Variants in VTI1A observed in about 807,000 individuals in gnomAD.
The protein encoded by VTI1A is vesicle transport through interaction with t-SNAREs homolog 1A.
Under a neutral mutation model 34.9 loss-of-function variants are expected in VTI1A, and 22 were observed. The ratio of observed to expected loss-of-function variants is 0.63; its 90% CI spans 0.45 to 0.90. The LOEUF (loss-of-function observed/expected upper bound fraction) is 0.90. VTI1A is among the 40% of genes least tolerant of loss of function. The pLI is 0.00. For synonymous variants in VTI1A, 87 were observed against 97.3 expected, an observed-to-expected ratio of 0.89 and a Z score of 0.62; for missense variants, 268 against 275.6, an observed-to-expected ratio of 0.97 and a Z score of 0.20.
chr10:112,574,248 C>G (rs981045341), intron 5 of VTI1A, among the ~76,000 whole-genome samples: 1 of 152,188 alleles, frequency 6.6e-6, no homozygotes, highest in Non-Finnish European at 1.5e-5. Context: ...CTGACGTCTA[C>G]TAATTCTGTA....
At chr10:112,551,303 C>A (rs1851354953) in intron 5 of VTI1A, among the ~76,000 whole-genome samples, 2 of 147,034 alleles carry the variant, frequency 1.4e-5, no homozygotes, top group Admixed American at 1.4e-4. Flanking sequence ...TTTAAATTTC[C>A]ATTTTCAAAG....
intron 7 of VTI1A, among the ~76,000 whole-genome samples, chr10:112,768,657 G>A (rs1851714468): frequency 6.6e-6 from 1 of 152,208 alleles, no homozygotes; most frequent in African/African-American, 2.4e-5. Context: ...AAAACTAAGT[G>A]CAGTTCATGA....
chr10:112,467,532 A>G (rs918508430), intron 3 of VTI1A, among the ~76,000 whole-genome samples: 37 of 152,194 alleles, frequency 2.4e-4, no homozygotes, highest in African/African-American at 8.9e-4. Context: ...TTGGGCTGCA[A>G]AAAGCCATCC....
intron 5 of VTI1A, among the ~76,000 whole-genome samples, chr10:112,626,981 G>T (rs147712816): frequency 6.6e-6 from 1 of 152,088 alleles, no homozygotes; most frequent in Non-Finnish European, 1.5e-5. Context: ...TGAAATATTC[G>T]TCCACTAATA....
At position 112,789,045 on chromosome 10, in the gene VTI1A, A is replaced by G. The variant is rs1394425434; in HGVS notation, c.561-26245A>G. Among the ~76,000 whole-genome samples, 5 of 152,276 alleles carry G rather than the reference A, an allele frequency of 3.3e-5. No individual in the cohort carries two copies. In the South Asian group the frequency reaches 6.2e-4, roughly 19 times the overall value. ...ACAAAATTATAGTGAGTGCTGTGCA[A>G]TCTAATGGTTTTTAAAGAAATTAAG... On this transcript the variant is annotated intron_variant, in intron 7 of 7. Transcript: ENST00000393077.
chr10:112,716,026 C>T (rs182329552), intron 7 of VTI1A, among the ~76,000 whole-genome samples: 1 of 152,264 alleles, frequency 6.6e-6, no homozygotes, highest in Admixed American at 6.5e-5. Context: ...GCCCAGGGAC[C>T]TGCCAGCTGG....
At chr10:112,701,007 T>C (rs926347711) in intron 7 of VTI1A, among the ~76,000 whole-genome samples, 6 of 152,220 alleles carry the variant, frequency 3.9e-5, no homozygotes, top group African/African-American at 1.4e-4. Context: ...CAAAGAGAGT[T>C]AATGGATGCT....
At chr10:112,769,520 G>A (rs1564918582) in intron 7 of VTI1A, among the ~76,000 whole-genome samples, 1 of 152,236 alleles carries the variant, frequency 6.6e-6, no homozygotes. Context: ...CTTGCCAGCA[G>A]TAGCCTCCTA....
intron 7 of VTI1A, among the ~76,000 whole-genome samples, chr10:112,707,238 G>A (rs1268656496): frequency 6.6e-6 from 1 of 152,040 alleles, no homozygotes; most frequent in East Asian, 1.9e-4. Context: ...CATGATCATG[G>A]CTCATTGCAG....
At chr10:112,771,794 A>T (rs1223104613) in intron 7 of VTI1A, among the ~76,000 whole-genome samples, 11 of 152,240 alleles carry the variant, frequency 7.2e-5, no homozygotes, top group Non-Finnish European at 1.6e-4. Context: ...AAATGGAATC[A>T]TAGAATATGT....
chr10:112,459,900 G>A (rs1481550281), intron 1 of VTI1A, among the ~76,000 whole-genome samples: 1 of 152,134 alleles, frequency 6.6e-6, no homozygotes, highest in Admixed American at 6.5e-5. Flanking sequence ...GGAGCTAAAA[G>A]TAATCCCGTA....
chr10:112,456,571 G>A (rs533892455), intron 1 of VTI1A, among the ~76,000 whole-genome samples: 22 of 152,144 alleles, frequency 1.4e-4, no homozygotes, highest in Non-Finnish European at 2.8e-4. Flanking sequence ...GGTTTGGACA[G>A]ACAGAAACAA....
chr10:112,737,630 TG>T, intron 7 of VTI1A: 1 of 1,049,560 alleles, frequency 9.5e-7, no homozygotes, highest in Non-Finnish European at 1.2e-6. Flanking sequence ...AGCCTCTATG[TG>T]TGAAACACAG....
chr10:112,523,026 C>T (rs1233898528), intron 3 of VTI1A, among the ~76,000 whole-genome samples: 6 of 152,180 alleles, frequency 3.9e-5, no homozygotes, highest in African/African-American at 7.2e-5. Context: ...ATTCTGGTTA[C>T]GTATACTCTA....
At chr10:112,523,030 T>G (rs1205708755) in intron 3 of VTI1A, among the ~76,000 whole-genome samples, 2 of 152,122 alleles carry the variant, frequency 1.3e-5, no homozygotes, top group East Asian at 3.8e-4. Flanking sequence ...TGGTTACGTA[T>G]ACTCTATTTC....
chr10:112,450,983 G>C (rs1847215111), intron 1 of VTI1A, among the ~76,000 whole-genome samples: 1 of 152,180 alleles, frequency 6.6e-6, no homozygotes, highest in African/African-American at 2.4e-5. Flanking sequence ...TAGGCTTCCT[G>C]AAGAATTTTA....
chr10:112,772,494 G>A (rs1851842215), intron 7 of VTI1A, among the ~76,000 whole-genome samples: 1 of 152,176 alleles, frequency 6.6e-6, no homozygotes, highest in African/African-American at 2.4e-5. Flanking sequence ...TCTACAGCGT[G>A]TCTTCTTACT....
At position 112,744,282 on chromosome 10, in the gene VTI1A, G is replaced by A. The variant is rs578160643; in HGVS notation, c.561-71008G>A. 1.3e-4 allele frequency among the ~76,000 whole-genome samples: 20 copies of A among 152,038 alleles called. No individual in the cohort carries two copies. In the East Asian group the frequency reaches 1.9e-3, roughly 15 times the overall value. On this transcript the variant is annotated intron_variant, in intron 7 of 7. Transcript: ENST00000393077. The stretch of plus-strand genomic sequence containing the variant: ...AATTCTCAACCCCCTCCAATTCAGC[G>A]TCCACTCTCTTGCCACAACCATACA...
rs11196113 is a variant in VTI1A, at chr10:112,797,878, G to A, written c.561-17412G>A. On this transcript the variant is annotated intron_variant, in intron 7 of 7. Transcript: ENST00000393077. ...ATCGCCTATACATTTGTAAGAGGTG[G>A]CCCACAGATTTCTCTCTGAGCGTTC... Among the ~76,000 whole-genome samples, 13 of 152,304 alleles carry A rather than the reference G, an allele frequency of 8.5e-5. No homozygotes were observed. In the East Asian group the frequency reaches 1.5e-3, roughly 18 times the overall value.
Sources: allele counts gnomAD v4.1 joint callset (sites outside exome capture counted in the v4.1 genomes callset), GRCh38; gene constraint gnomAD v4.1.1; transcripts MANE v1.5; gene names NCBI Gene and HGNC (gene_info 2026-07-23, HGNC 2026-07-21).